The following LTBP4 variants were observed in gnomAD, a reference collection of about 807,000 sequenced individuals.
LTBP4 encodes the protein latent transforming growth factor beta binding protein 4.
Under a neutral mutation model 180.2 loss-of-function variants are expected in LTBP4, and 93 were observed. The observed-to-expected ratio is 0.52, with a 90% CI of 0.44 to 0.61. The LOEUF (loss-of-function observed/expected upper bound fraction) is 0.61. Ranked by LOEUF, LTBP4 falls within the 20% of genes least tolerant of loss-of-function variation. The pLI is 0.00. For missense variants in LTBP4, 2,116 were observed against 2,256.5 expected (o/e 0.94, Z 1.26); for synonymous variants, 947 against 934.5 (o/e 1.01, Z -0.24).
intron 22 of LTBP4, among the ~76,000 whole-genome samples, chr19:40,621,261 C>T (rs2081584595): frequency 6.6e-6 from 1 of 152,104 alleles, no homozygotes; most frequent in Non-Finnish European, 1.5e-5. Context: ...AGTTTTTCAA[C>T]CCTTGTACCT....
upstream of LTBP4, among the ~76,000 whole-genome samples, chr19:40,596,945 A>T (rs2146009291): frequency 6.6e-6 from 1 of 152,078 alleles, no homozygotes; most frequent in East Asian, 1.9e-4. Context: ...TTCCACGAGA[A>T]GGTTCACGGA....
At chr19:40,597,320 GC>G (rs2038012245), upstream of LTBP4, 2 of 1,521,598 alleles carry the variant, frequency 1.3e-6, no homozygotes, top group Non-Finnish European at 8.8e-7. Flanking sequence ...TCCGCCGCCA[GC>G]CCCAGCCCCA....
chr19:40,623,510 C>G, intron 24 of LTBP4, 94 bp from the exon 25 acceptor site: 4 of 1,445,674 alleles, frequency 2.8e-6, no homozygotes, highest in Non-Finnish European at 3.7e-6. Flanking sequence ...ACTTCTTGGT[C>G]TATCACCAGC....
Position 40,624,054 on chromosome 19 carries a change from C to A in LTBP4, c.3804C>A (p.Arg1268=), listed in dbSNP as rs763180850. The A allele has an allele frequency of 6.3e-7, 1 of 1,585,262 alleles. No individual in the cohort carries two copies. Among genetic ancestry groups the A allele is most frequent in the Admixed American group, 1.7e-5 (1 of 57,610 alleles). ...TGGTGCTGGATGGCTCGCAGCGCCG[C>A]TGCGTCTCCAACGAGAGCCAGAGCC... The part of the protein sequence containing the change: ...PPLVLDGSQR[R]CVSNESQSLD... The change falls in exon 26 of 30, where the codon CGC becomes CGA. Residue 1268 remains arginine (R), a synonymous_variant. Coordinates refer to ENST00000396819, the MANE Select transcript of LTBP4 (RefSeq NM_001042545.2).
At chr19:40,593,590 G>A (rs766218820) in intron 1 of LTBP4, among the ~76,000 whole-genome samples, 7 of 151,064 alleles carry the variant, frequency 4.6e-5, no homozygotes, top group Non-Finnish European at 8.8e-5. Context: ...CAGAATATTG[G>A]GGGATATTGG....
intron 22 of LTBP4, 107 bp downstream of exon 22, chr19:40,619,600 T>C: frequency 8.0e-7 from 1 of 1,247,932 alleles, no homozygotes; most frequent in African/African-American, 1.5e-5. Flanking sequence ...ATACTGTTGT[T>C]TTAAACATCA....
At chr19:40,593,799 A>C (rs1233756025) in intron 1 of LTBP4, among the ~76,000 whole-genome samples, 1 of 148,454 alleles carries the variant, frequency 6.7e-6, no homozygotes, top group Non-Finnish European at 1.5e-5. Context: ...TATTTTCTTT[A>C]TTTCTTTTTT....
Position 40,625,946 on chromosome 19 carries a change from T to C in LTBP4, c.3922T>C (p.Cys1308Arg). 1.9e-6 allele frequency: 3 copies of C among 1,606,826 alleles called. No individual in the cohort carries two copies. Among genetic ancestry groups the C allele is most frequent in the Non-Finnish European group, 2.5e-6 (3 of 1,177,124 alleles). The change falls in exon 27 of 30, where the codon TGC becomes CGC. Residue 1308 changes from cysteine to arginine, a missense_variant. Cys to Arg is a radical substitution (Grantham distance 180). Coordinates refer to ENST00000396819, the MANE Select transcript of LTBP4 (RefSeq NM_001042545.2). ...GGACCGTCAGGCCACCTACACAGAG[T>C]GCTGCTGCCTGTATGGAGAGGCCTG... is the stretch of plus-strand genomic sequence containing the variant. Reference protein sequence around the residue: ...RLDRQATYTECCCLYGEAWGM... With the variant: ...RLDRQATYTERCCLYGEAWGM...
chr19:40,605,638 C>A lies in LTBP4; in HGVS notation c.676C>A (p.Leu226Met). 6.3e-7 allele frequency: 1 copy of A among 1,579,074 alleles called. No homozygotes were observed. Among genetic ancestry groups the A allele is most frequent in the Non-Finnish European group, 8.6e-7 (1 of 1,162,982 alleles). ...GGGCTTCGGTTACTGCTTTCGGGAG[C>A]TGCGCGGAGGCGAAGTGAGAGGAGG... ...ASGFGYCFRE[L>M]RGGECASPLP... The change falls in exon 3 of 30, where the codon CTG (leucine) becomes ATG (methionine). Residue 226 changes from leucine to methionine, a missense_variant. Transcript: ENST00000396819. This position sits in a 1 kb window ranked among gnomAD's most constrained non-coding sequence, Gnocchi z 5.5.
chr19:40,594,375 A>T (rs2081380445), intron 1 of LTBP4, among the ~76,000 whole-genome samples: 1 of 151,768 alleles, frequency 6.6e-6, no homozygotes, highest in Non-Finnish European at 1.5e-5. Flanking sequence ...AGATAGTGAC[A>T]CTGATGGGAG....
At chr19:40,600,242 G>C (rs2081414422), upstream of LTBP4, 3 of 971,882 alleles carry the variant, frequency 3.1e-6, no homozygotes, top group African/African-American at 1.7e-5. The surrounding 1 kb of genome is among the most constrained non-coding windows in gnomAD (Gnocchi z 4.4). Flanking sequence ...AAGCCGTCTG[G>C]TTCCCACGGT....
intron 9 of LTBP4, chr19:40,608,945 A>G (rs1331559794): frequency 3.4e-5 from 8 of 231,886 alleles, no homozygotes; most frequent in Non-Finnish European, 5.1e-5. Context: ...TGATGGGGGT[A>G]TTACAGGTGG....
intron 22 of LTBP4, among the ~76,000 whole-genome samples, chr19:40,621,607 C>A (rs555233479): frequency 6.6e-6 from 1 of 151,900 alleles, no homozygotes; most frequent in South Asian, 2.1e-4. Context: ...GGGGCAGGGG[C>A]CTGGACAGGA....
At position 40,609,929 on chromosome 19, in the gene LTBP4, A is replaced by G. The variant is rs2081492832; in HGVS notation, c.1684+58A>G. On this transcript the variant is annotated intron_variant, in intron 11 of 29. Transcript: ENST00000396819. The surrounding 1 kb of genome is among the most constrained non-coding windows in gnomAD (Gnocchi z 4.9). ...ACCCCAGGGTCTCGCTCCTGCTCTC[A>G]CTCCAGAGCCTCTCCAGCCCTCCCA... is the stretch of plus-strand genomic sequence containing the variant. 3.5e-6 allele frequency: 5 copies of G among 1,447,764 alleles called. No individual in the cohort carries two copies. In the East Asian group the frequency reaches 1.0e-4, roughly 30 times the overall value. 89.7% of individuals were successfully genotyped at this position (1,447,764 alleles called of 1,614,324 possible).
In LTBP4 at chr19:40,605,521, C is replaced by T. The variant is rs749593850; in HGVS notation, c.559C>T (p.Arg187Trp). 3 of 1,608,588 alleles carry T rather than the reference C, an allele frequency of 1.9e-6. No homozygotes were observed. Among genetic ancestry groups the T allele is most frequent in the Non-Finnish European group, 2.5e-6 (3 of 1,178,352 alleles). ...WEEADAEAVA[R>W]AEAAARAEAA... ...GGAGGCGGACGCTGAGGCGGTGGCG[C>T]GGGCGGAAGCGGCGGCGCGGGCGGA... Residue 187 changes from arginine (R) to tryptophan (W), a missense_variant, in exon 3 of 30, where the codon CGG becomes TGG. Arg to Trp is a moderately radical substitution (Grantham distance 101). Coordinates refer to ENST00000396819, the MANE Select transcript of LTBP4 (RefSeq NM_001042545.2). The surrounding 1 kb of genome is among the most constrained non-coding windows in gnomAD (Gnocchi z 5.5).
chr19:40,611,717 G>T lies in LTBP4; in HGVS notation c.2054-142G>T. 2 of 1,284,278 alleles carry T rather than the reference G, an allele frequency of 1.6e-6. No individual in the cohort carries two copies. The highest frequency in any genetic ancestry group is 2.1e-6 in the Non-Finnish European group (2 of 946,184). The allele number at this position is 1,284,278 out of a possible 1,614,324, so 79.6% of individuals were successfully genotyped here. A position where few individuals can be genotyped will look rare whatever the true frequency, so the allele number is the denominator to read the frequency against. ...ACCATTGAATGGGGACACGAGGAAG[G>T]TGTCTGTCTTCCTGGGAAGAGGGAG... is the stretch of plus-strand genomic sequence containing the variant. On this transcript the variant is annotated intron_variant, in intron 13 of 29. Transcript: ENST00000396819. The surrounding 1 kb of genome is among the most constrained non-coding windows in gnomAD (Gnocchi z 4.4).
intron 11 of LTBP4, 153 bp from the exon 12 acceptor site, chr19:40,610,379 C>A: frequency 1.2e-6 from 1 of 847,558 alleles, no homozygotes; most frequent in Non-Finnish European, 1.8e-6. Flanking sequence ...TTGCCTCTCT[C>A]ACTGTGCCCC....
rs1449578391 is a variant in LTBP4 at position 40,627,694 on chromosome 19, A to C, written c.4367-11A>C. 1.3e-6 allele frequency: 2 copies of C among 1,582,572 alleles called. No homozygotes were observed. The highest frequency in any genetic ancestry group is 1.3e-5 in the African/African-American group (1 of 74,118). ...GGACCTCAAGTCATAGGGTCCCCGCATTTCCCACAGGTTCCCTGGCTGAGC... is the reference window on the plus strand; with the variant it reads ...GGACCTCAAGTCATAGGGTCCCCGCCTTTCCCACAGGTTCCCTGGCTGAGC... On this transcript the variant is annotated splice_polypyrimidine_tract_variant and intron_variant, in intron 28 of 29. Coordinates refer to ENST00000396819, the MANE Select transcript of LTBP4 (RefSeq NM_001042545.2).
At chr19:40,594,556 A>C (rs1274387195) in intron 1 of LTBP4, 1 of 152,094 alleles carries the variant, frequency 6.6e-6, no homozygotes, top group Non-Finnish European at 1.5e-5. Context: ...GCCACAGGGT[A>C]GGAGGTGGTG....
Sources: gnomAD v4.1 joint callset for allele counts (sites outside exome capture counted in the v4.1 genomes callset) on GRCh38, gnomAD v4.1.1 for gene constraint, Gnocchi (gnomAD v3.1) non-coding constraint, MANE v1.5 for transcripts, NCBI Gene and HGNC (gene_info 2026-07-23, HGNC 2026-07-21) for gene names.